Variants in CNTNAP2 observed in about 807,000 individuals in gnomAD.
CNTNAP2 encodes contactin associated protein 2.
Under a neutral mutation model 155.2 loss-of-function variants are expected in CNTNAP2, and 98 were observed. That is an observed-to-expected ratio of 0.63 (90% CI 0.54 to 0.75). The LOEUF (loss-of-function observed/expected upper bound fraction) is 0.75, where lower values mean the gene tolerates loss of function less well. Among genes scored for constraint, CNTNAP2 ranks in the 30% least tolerant of loss-of-function variants. The pLI, the probability that CNTNAP2 is intolerant of heterozygous loss-of-function variation, is 0.00. For synonymous variants in CNTNAP2, 651 were observed against 631.2 expected (o/e 1.03, Z -0.47); for missense variants, 1,727 against 1,688.1 (o/e 1.02, Z -0.40).
intron 21 of CNTNAP2, among the ~76,000 whole-genome samples, chr7:148,287,964 G>T (rs1192033329): frequency 6.7e-6 from 1 of 149,778 alleles, no homozygotes; most frequent in Non-Finnish European, 1.5e-5. Flanking sequence ...GCTAATTTTT[G>T]TATTTTTACT....
intron 1 of CNTNAP2, among the ~76,000 whole-genome samples, chr7:146,168,071 C>G (rs1798338705): frequency 6.6e-6 from 1 of 152,096 alleles, no homozygotes; most frequent in East Asian, 1.9e-4. Context: ...GCTCCTTCCA[C>G]CTTCTTCTGT....
chr7:147,098,073 C>A (rs747386925), intron 4 of CNTNAP2, among the ~76,000 whole-genome samples: 3 of 152,122 alleles, frequency 2.0e-5, no homozygotes, highest in African/African-American at 7.2e-5. Flanking sequence ...TCTGGCTTTG[C>A]GTAACTGTTG....
intron 3 of CNTNAP2, among the ~76,000 whole-genome samples, chr7:146,968,115 T>C (rs911436650): frequency 1.3e-5 from 2 of 151,266 alleles, no homozygotes; most frequent in African/African-American, 4.8e-5. Context: ...ATTACATTTA[T>C]TGATTTGCAT....
chr7:146,242,693 A>T, intron 1 of CNTNAP2, among the ~76,000 whole-genome samples: 1 of 152,230 alleles, frequency 6.6e-6, no homozygotes, highest in Non-Finnish European at 1.5e-5. Flanking sequence ...TAACTTTGAT[A>T]ATGACCTTAT....
At chr7:146,713,506 A>G (rs1801134204) in intron 1 of CNTNAP2, among the ~76,000 whole-genome samples, 1 of 152,040 alleles carries the variant, frequency 6.6e-6, no homozygotes, top group Admixed American at 6.6e-5. Flanking sequence ...TAAGGGTAAG[A>G]ATTTTGTCTC....
intron 1 of CNTNAP2, among the ~76,000 whole-genome samples, chr7:146,193,222 G>T (rs929964730): frequency 5.9e-5 from 9 of 152,190 alleles, no homozygotes; most frequent in African/African-American, 1.9e-4. Flanking sequence ...ACATTCTGGG[G>T]TCTGGAGGAT....
At chr7:147,586,597 G>T (rs1800631077) in intron 12 of CNTNAP2, among the ~76,000 whole-genome samples, 1 of 146,700 alleles carries the variant, frequency 6.8e-6, no homozygotes, top group Non-Finnish European at 1.5e-5. Context: ...AAAGGAGGGA[G>T]AAAAGGAGGG....
intron 2 of CNTNAP2, among the ~76,000 whole-genome samples, chr7:146,794,511 A>G (rs1248337046): frequency 6.6e-6 from 1 of 152,184 alleles, no homozygotes. Flanking sequence ...ATGACCCTAA[A>G]GGATATCAGT....
intron 12 of CNTNAP2, among the ~76,000 whole-genome samples, chr7:147,588,266 C>A (rs958625009): frequency 2.3e-4 from 35 of 152,016 alleles, no homozygotes; most frequent in African/African-American, 2.7e-4. Context: ...TTTGGACCCT[C>A]CTTTGTGAGA....
intron 9 of CNTNAP2, among the ~76,000 whole-genome samples, chr7:147,318,767 C>T (rs1378994592): frequency 6.6e-6 from 1 of 152,028 alleles, no homozygotes; most frequent in Non-Finnish European, 1.5e-5. Context: ...ACCACCATGG[C>T]ACATGTACAG....
At position 146,573,074 on chromosome 7, in the gene CNTNAP2, G is replaced by A. The variant is rs527674106; in HGVS notation, c.98-201197G>A. ...TGTTATGCGTCTCTTTGGGTCCTTCGATTTCTCCATTTCGTACAGTGCTTT... is the reference window on the plus strand; with the variant it reads ...TGTTATGCGTCTCTTTGGGTCCTTCAATTTCTCCATTTCGTACAGTGCTTT... On this transcript the variant is annotated intron_variant, in intron 1 of 23. Transcript: ENST00000361727. Among the ~76,000 whole-genome samples the A allele has an allele frequency of 4.6e-5, 7 of 152,194 alleles. No individual in the cohort carries two copies. In the South Asian group the frequency reaches 6.2e-4, roughly 14 times the overall value.
chr7:147,319,664 C>T (rs538882191), intron 9 of CNTNAP2, among the ~76,000 whole-genome samples: 7 of 152,142 alleles, frequency 4.6e-5, no homozygotes, highest in East Asian at 1.9e-4. Flanking sequence ...AGGCATGAGC[C>T]GTGACACCCA....
chr7:147,733,158 G>T (rs1796774756), intron 13 of CNTNAP2, among the ~76,000 whole-genome samples: 2 of 152,114 alleles, frequency 1.3e-5, no homozygotes, highest in Non-Finnish European at 2.9e-5. Context: ...AGGCTTTTAT[G>T]GTTTTAGGTC....
chr7:148,190,575 A>T (rs1348021970), intron 18 of CNTNAP2: 1 of 152,162 alleles, frequency 6.6e-6, no homozygotes, highest in East Asian at 1.9e-4. Context: ...CTGTATCTCT[A>T]TATATGAAAG....
intron 16 of CNTNAP2, among the ~76,000 whole-genome samples, chr7:148,146,392 C>T (rs1423621862): frequency 2.6e-5 from 4 of 152,156 alleles, no homozygotes; most frequent in Non-Finnish European, 4.4e-5. Context: ...ATTTAAAAAG[C>T]TTGTTTATAA....
intron 1 of CNTNAP2, among the ~76,000 whole-genome samples, chr7:146,654,479 C>T (rs554632484): frequency 6.6e-6 from 1 of 152,070 alleles, no homozygotes; most frequent in South Asian, 2.1e-4. Flanking sequence ...ATAAATGAGA[C>T]AATTCACATG....
intron 1 of CNTNAP2, among the ~76,000 whole-genome samples, chr7:146,245,101 G>A (rs1185374846): frequency 1.3e-5 from 2 of 152,164 alleles, no homozygotes; most frequent in Admixed American, 6.5e-5. Context: ...GCCTTTGCTT[G>A]TGTGTGGCGA....
chr7:146,883,995 T>G (rs1280748268), intron 3 of CNTNAP2, among the ~76,000 whole-genome samples: 1 of 152,122 alleles, frequency 6.6e-6, no homozygotes, highest in East Asian at 1.9e-4. Context: ...TCAATGAATT[T>G]TAAGCATGTA....
intron 1 of CNTNAP2, among the ~76,000 whole-genome samples, chr7:146,442,405 G>A (rs1322026183): frequency 6.6e-6 from 1 of 151,932 alleles, no homozygotes. Context: ...TGCAATAGAG[G>A]AAACTAGGAA....
Sources: allele counts gnomAD v4.1 joint callset (sites outside exome capture counted in the v4.1 genomes callset), GRCh38; gene constraint gnomAD v4.1.1; transcripts MANE v1.5; gene names NCBI Gene and HGNC (gene_info 2026-07-23, HGNC 2026-07-21).